Variants in DIPK1B observed in about 807,000 individuals in gnomAD.
DIPK1B encodes the protein divergent protein kinase domain 1B.
A neutral mutation model predicts 20.7 loss-of-function variants in DIPK1B; 17 were observed. The observed-to-expected ratio is 0.82, with a 90% CI of 0.56 to 1.23. The LOEUF is 1.23. Among genes scored for constraint, DIPK1B ranks in the 50% most tolerant of loss-of-function variants. DIPK1B has a pLI of 0.00. For synonymous variants in DIPK1B, 343 were observed against 276.5 expected (o/e 1.24, Z -2.39); for missense variants, 648 against 601.8 (o/e 1.08, Z -0.80).
intron 2 of DIPK1B, among the ~76,000 whole-genome samples, chr9:136,720,414 C>T (rs1846579206): frequency 6.6e-6 from 1 of 152,156 alleles, no homozygotes; most frequent in Admixed American, 6.5e-5. Flanking sequence ...CCCCAGCTCC[C>T]TCCAAGCCTG....
chr9:136,717,446 C>T, intron 1 of DIPK1B, 131 bp from the exon 2 acceptor site: 1 of 1,068,358 alleles, frequency 9.4e-7, no homozygotes, highest in Admixed American at 2.5e-5. Flanking sequence ...ACGGGGGTGC[C>T]AGGGGGCCAA....
rs1846617546 is a variant in DIPK1B at position 136,722,234 on chromosome 9, T to C, written c.416T>C (p.Leu139Pro). The C allele has an allele frequency of 6.2e-7, 1 of 1,613,812 alleles. No homozygotes were observed. The highest frequency in any genetic ancestry group is 8.5e-7 in the Non-Finnish European group (1 of 1,179,984). ...SDAAPRRELV[L>P]FDKPTRGTSI... is the part of the protein sequence containing the mutation. ...GCGGCCCCCCGGCGGGAGCTGGTAC[T>C]GTTTGACAAGCCCACCCGGGGCACC... Residue 139 changes from leucine (L) to proline (P), a missense_variant, in exon 4 of 5, where the codon CTG (leucine) becomes CCG (proline). Physicochemically the swap from Leu to Pro is moderately conservative, Grantham distance 98. Coordinates refer to ENST00000371692, the MANE Select transcript of DIPK1B (RefSeq NM_152421.4).
chr9:136,712,677 G>A lies in DIPK1B; in HGVS notation c.12G>A (p.Leu4=). The change falls in exon 1 of 5, where the codon CTG becomes CTA. Residue 4 remains leucine (L), a synonymous_variant. Coordinates refer to ENST00000371692, the MANE Select transcript of DIPK1B (RefSeq NM_152421.4). The surrounding 1 kb of genome is among the most constrained non-coding windows in gnomAD (Gnocchi z 5.6). MRR[L]RRLAHLVLFC... is the part of the protein sequence containing the mutation. The stretch of plus-strand genomic sequence containing the variant: ...GGCCGGAGCCCACCATGCGGCGGCT[G>A]CGGCGCCTGGCGCACCTGGTGCTCT... 1 of 1,309,932 alleles carries A rather than the reference G, an allele frequency of 7.6e-7. No homozygotes were observed. Among genetic ancestry groups the A allele is most frequent in the South Asian group, 2.0e-5 (1 of 49,372 alleles). The allele number at this position is 1,309,932 out of a possible 1,614,324, so 81.1% of individuals were successfully genotyped here.
At chr9:136,716,349 C>T (rs1846496530) in intron 1 of DIPK1B, among the ~76,000 whole-genome samples, 1 of 150,372 alleles carries the variant, frequency 6.7e-6, no homozygotes, top group Non-Finnish European at 1.5e-5. Flanking sequence ...CTCACTGCAG[C>T]TTCAACCTCC....
chr9:136,723,495 C>T lies in DIPK1B; in HGVS notation c.1017C>T (p.Asp339=), dbSNP rs760940863. The T allele has an allele frequency of 3.1e-6, 5 of 1,608,942 alleles. No individual in the cohort carries two copies. Among genetic ancestry groups the T allele is most frequent in the Non-Finnish European group, 4.2e-6 (5 of 1,177,950 alleles). ...GCCGCCGCTGCGAGCACAGCACCGACTGCACCTACGGGCGCGACTGCAGGG... is the reference window on the plus strand; with the variant it reads ...GCCGCCGCTGCGAGCACAGCACCGATTGCACCTACGGGCGCGACTGCAGGG... The part of the protein sequence containing the change: ...LQGRRCEHST[D]CTYGRDCRAP... The change falls in exon 5 of 5, where the codon GAC becomes GAT. Residue 339 remains aspartate, a synonymous_variant. Transcript: ENST00000371692.
chr9:136,719,404 A>AGG (rs1257493730), intron 2 of DIPK1B, among the ~76,000 whole-genome samples: 1 of 152,176 alleles, frequency 6.6e-6, no homozygotes, highest in African/African-American at 2.4e-5. Flanking sequence ...TCCTTCCCAG[A>AGG]GGAGGTTCCC....
intron 2 of DIPK1B, among the ~76,000 whole-genome samples, chr9:136,718,336 G>T (rs555065546): frequency 6.6e-6 from 1 of 152,240 alleles, no homozygotes; most frequent in African/African-American, 2.4e-5. Flanking sequence ...TGGGACCAGG[G>T]GTCCCCTGAG....
At chr9:136,717,910 G>C (rs1286776001) in intron 2 of DIPK1B, among the ~76,000 whole-genome samples, 199 bp downstream of exon 2, 1 of 151,064 alleles carries the variant, frequency 6.6e-6, no homozygotes, top group African/African-American at 2.4e-5. Context: ...AGACGTGCGG[G>C]GCTGCCTCAG....
At position 136,716,262 on chromosome 9, in the gene DIPK1B, GTCT is replaced by G. The variant is rs1846495238; in HGVS notation, c.64-1313_64-1311del. 2.1e-5 allele frequency among the ~76,000 whole-genome samples: 3 copies of G among 143,538 alleles called. No homozygotes were observed. In the Admixed American group the frequency reaches 2.1e-4, roughly 10 times the overall value. 94.2% of individuals were successfully genotyped at this position (143,538 alleles called of 152,430 possible). A position where few individuals can be genotyped will look rare whatever the true frequency, so the allele number is the denominator to read the frequency against. On this transcript the variant is annotated intron_variant, in intron 1 of 4. Transcript: ENST00000371692. ...TGTGAACATCGGTGTCTGAGTCTGT[GTCT>G]TTTTTTTTTTTTTTTTTTTTTGAGA...
chr9:136,723,544 C>T lies in DIPK1B; in HGVS notation c.1066C>T (p.Gln356Ter), dbSNP rs1846653756. The T allele has an allele frequency of 1.3e-6, 2 of 1,599,274 alleles. No homozygotes were observed. Among genetic ancestry groups the T allele is most frequent in the Non-Finnish European group, 1.7e-6 (2 of 1,173,390 alleles). ...CRAPCDRLMR[Q>*]CKGDLIQPNL... ...GGCCCCGTGTGACAGGCTCATGAGG[C>T]AGTGCAAGGGCGACCTCATCCAGCC... is the stretch of plus-strand genomic sequence containing the variant. Residue 356 changes from glutamine to a stop codon, truncating the protein, a stop_gained, in exon 5 of 5, where the codon CAG (glutamine) becomes TAG (stop). Transcript: ENST00000371692. LOFTEE classifies it low-confidence loss of function (END_TRUNC).
In DIPK1B at chr9:136,723,855, G is replaced by A; in HGVS notation, c.*81G>A. ...AACCCTCCCTCAAGGAATCCTGTCAGAAGATGTGAAATGCAACTGTGTTGC... is the reference window on the plus strand; with the variant it reads ...AACCCTCCCTCAAGGAATCCTGTCAAAAGATGTGAAATGCAACTGTGTTGC... On this transcript the variant is annotated 3_prime_UTR_variant, in exon 5 of 5. Coordinates refer to ENST00000371692, the MANE Select transcript of DIPK1B (RefSeq NM_152421.4). 1 of 1,382,332 alleles carries A rather than the reference G, an allele frequency of 7.2e-7. No individual in the cohort carries two copies. Among genetic ancestry groups the A allele is most frequent in the Non-Finnish European group, 9.7e-7 (1 of 1,031,102 alleles). The allele number at this position is 1,382,332 out of a possible 1,614,324, so 85.6% of individuals were successfully genotyped here.
Position 136,723,457 on chromosome 9 carries a change from C to T in DIPK1B, c.979C>T (p.Arg327Cys), listed in dbSNP as rs766801153. The change falls in exon 5 of 5, where the codon CGC becomes TGC. Residue 327 changes from arginine (R) to cysteine (C), a missense_variant. Physicochemically the swap from Arg to Cys is radical, Grantham distance 180. Transcript: ENST00000371692. ...QQVAPEATVR[R>C]FLQGRRCEHS... ...GGTGGCACCCGAGGCCACCGTGCGC[C>T]GCTTCCTGCAGGGCCGCCGCTGCGA... 21 of 1,610,944 alleles carry T rather than the reference C, an allele frequency of 1.3e-5. No individual in the cohort carries two copies. Among genetic ancestry groups the T allele is most frequent in the East Asian group, 2.2e-5 (1 of 44,850 alleles).
chr9:136,718,293 G>A (rs1056000189), intron 2 of DIPK1B, among the ~76,000 whole-genome samples: 5 of 151,984 alleles, frequency 3.3e-5, no homozygotes, highest in Non-Finnish European at 5.9e-5. Flanking sequence ...AGAGACCCCC[G>A]TGTGCTGGCC....
chr9:136,718,757 C>G (rs919502610), intron 2 of DIPK1B, among the ~76,000 whole-genome samples: 6 of 152,208 alleles, frequency 3.9e-5, no homozygotes, highest in African/African-American at 1.2e-4. Flanking sequence ...GAGAGCACCT[C>G]TCCTGGCAAC....
rs1389985285 is a variant in DIPK1B, at chr9:136,724,361, A to C, written c.*587A>C. Among the ~76,000 whole-genome samples, 1 of 152,236 alleles carries C rather than the reference A, an allele frequency of 6.6e-6. No homozygotes were observed. The highest frequency in any genetic ancestry group is 6.5e-5 in the Admixed American group (1 of 15,290). ...CAGTAAGAAAACAGATATATGCGGT[A>C]TTTTAAAAACTGATTTTACAAAATC... On this transcript the variant is annotated 3_prime_UTR_variant, in exon 5 of 5. Coordinates refer to ENST00000371692, the MANE Select transcript of DIPK1B (RefSeq NM_152421.4).
intron 2 of DIPK1B, among the ~76,000 whole-genome samples, chr9:136,719,107 C>A (rs557312381): frequency 1.3e-3 from 153 of 120,806 alleles, no homozygotes; most frequent in African/African-American, 4.6e-3. Context: ...CTAGAAGGAC[C>A]AAGGAGGTGG....
intron 4 of DIPK1B, 35 bp from the exon 5 acceptor site, chr9:136,722,927 G>A (rs11793962): frequency 0.35 from 549,150 of 1,556,744 alleles, 98,435 homozygotes; most frequent in Admixed American, 0.42. Flanking sequence ...CATCAAATCA[G>A]CTGGCTTTTC....
intron 4 of DIPK1B, 128 bp from the exon 5 acceptor site, chr9:136,722,834 C>A: frequency 1.1e-6 from 1 of 923,382 alleles, no homozygotes; most frequent in Non-Finnish European, 1.6e-6. Context: ...TGGGCTGGGA[C>A]CCCTAACCTG....
chr9:136,717,649 G>C lies in DIPK1B; in HGVS notation c.136G>C (p.Val46Leu). Residue 46 changes from valine (V) to leucine (L), a missense_variant, in exon 2 of 5, where the codon GTG (valine) becomes CTG (leucine). Coordinates refer to ENST00000371692, the MANE Select transcript of DIPK1B (RefSeq NM_152421.4). ...WLGVFAGSWL[V>L]YVHYSSYSER... Reference sequence around the variant, plus strand: ...GGGCGTCTTTGCAGGCAGCTGGCTGGTGTACGTGCACTACTCGTCCTACTC... The same window carrying C: ...GGGCGTCTTTGCAGGCAGCTGGCTGCTGTACGTGCACTACTCGTCCTACTC... 6.2e-7 allele frequency: 1 copy of C among 1,608,506 alleles called. No individual in the cohort carries two copies.
Sources: allele counts gnomAD v4.1 joint callset (sites outside exome capture counted in the v4.1 genomes callset), GRCh38; gene constraint gnomAD v4.1.1; non-coding constraint Gnocchi (gnomAD v3.1); transcripts MANE v1.5; gene names NCBI Gene and HGNC (gene_info 2026-07-23, HGNC 2026-07-21).